DDX46: variants seen among roughly 807,000 people sequenced by gnomAD.
DDX46 encodes the protein probable ATP-dependent RNA helicase DDX46.
A neutral mutation model predicts 134.9 loss-of-function variants in DDX46; 30 were observed. The observed-to-expected ratio is 0.22, with a 90% CI of 0.17 to 0.30. The LOEUF (loss-of-function observed/expected upper bound fraction) is 0.30. Among genes scored for constraint, DDX46 ranks in the 10% least tolerant of loss-of-function variants. The pLI is 1.00. For synonymous variants in DDX46, 415 were observed against 404.1 expected (o/e 1.03, Z -0.32); for missense variants, 622 against 1,248.7 (o/e 0.50, Z 7.56).
At chr5:134,808,124 A>G (rs1337674060) in intron 16 of DDX46, among the ~76,000 whole-genome samples, 183 bp downstream of exon 16, 2 of 152,240 alleles carry the variant, frequency 1.3e-5, no homozygotes, top group African/African-American at 4.8e-5. Flanking sequence ...TGTTCAAATT[A>G]TCAGATACCT....
chr5:134,789,447 G>C (rs1199796218), intron 12 of DDX46, among the ~76,000 whole-genome samples: 3 of 152,158 alleles, frequency 2.0e-5, no homozygotes, highest in Non-Finnish European at 4.4e-5. Context: ...AACTGAGTTA[G>C]TGCATGTTTC....
At chr5:134,786,964 C>G (rs1240535736) in intron 11 of DDX46, among the ~76,000 whole-genome samples, 1 of 151,968 alleles carries the variant, frequency 6.6e-6, no homozygotes, top group Non-Finnish European at 1.5e-5. Flanking sequence ...ACTCTGTTGC[C>G]CGGGCTGGAG....
chr5:134,777,718 A>G lies in DDX46; in HGVS notation c.758A>G (p.Asn253Ser). The G allele has an allele frequency of 6.2e-7, 1 of 1,600,986 alleles. No individual in the cohort carries two copies. Among genetic ancestry groups the G allele is most frequent in the Non-Finnish European group, 8.5e-7 (1 of 1,176,942 alleles). The change falls in exon 6 of 23, where the codon AAT becomes AGT. Residue 253 changes from asparagine to serine, a missense_variant. Coordinates refer to ENST00000452510, the MANE Select transcript of DDX46 (RefSeq NM_001300860.2). The part of the protein sequence containing the change: ...NMRSVKGGGG[N>S]EKKSGPTVTK... ...AGAAGTGTAAAAGGTGGTGGGGGAA[A>G]TGAAAAGGTATGGAATTTCTTATTT...
At chr5:134,764,262 T>C (rs1370367878) in intron 2 of DDX46, among the ~76,000 whole-genome samples, 170 bp downstream of exon 2, 1 of 151,232 alleles carries the variant, frequency 6.6e-6, no homozygotes, top group Non-Finnish European at 1.5e-5. Context: ...CTACAAAGAC[T>C]CTATCAAACA....
rs767958635 is a variant in DDX46, at chr5:134,783,085, TTA to T, written c.1166+22_1166+23del. On this transcript the variant is annotated intron_variant, in intron 9 of 22. Coordinates refer to ENST00000452510, the MANE Select transcript of DDX46 (RefSeq NM_001300860.2). ...CAAGAAGTAAGTGGTTGGTGGTTGT[TTA>T]TGTTTTCCGTGTCTTGCTGCTCAAA... 1.9e-6 allele frequency: 3 copies of T among 1,610,992 alleles called. No individual in the cohort carries two copies. Among genetic ancestry groups the T allele is most frequent in the Non-Finnish European group, 2.5e-6 (3 of 1,178,156 alleles).
At chr5:134,784,652 C>G in intron 10 of DDX46, 111 bp downstream of exon 10, 1 of 1,241,114 alleles carries the variant, frequency 8.1e-7, no homozygotes, top group Non-Finnish European at 1.1e-6. Flanking sequence ...TCTTTATGTA[C>G]ATTTTCTTTA....
At chr5:134,815,713 A>AAG (rs988772807) in intron 18 of DDX46, among the ~76,000 whole-genome samples, 6 of 150,394 alleles carry the variant, frequency 4.0e-5, no homozygotes, top group African/African-American at 1.5e-4. Context: ...TCTCAAAAAA[A>AAG]AAAAAAAAAA....
rs1304748298 is a variant in DDX46 at position 134,817,502 on chromosome 5, A to G, written c.2620A>G (p.Met874Val). ...NLGIESQVDV[M>V]QQATNAILRG... ...AAGTCTTCTTTAACTACAGGATGTG[A>G]TGCAGCAGGCCACCAATGCAATTCT... is the stretch of plus-strand genomic sequence containing the variant. The change falls in exon 20 of 23, where the codon ATG becomes GTG. Residue 874 changes from methionine to valine, a missense_variant. Transcript: ENST00000452510. The G allele has an allele frequency of 1.3e-5, 21 of 1,613,702 alleles. No individual in the cohort carries two copies. The highest frequency in any genetic ancestry group is 1.7e-5 in the Non-Finnish European group (20 of 1,179,888).
At chr5:134,821,235 G>A (rs1456684694) in intron 21 of DDX46, among the ~76,000 whole-genome samples, 22 of 151,716 alleles carry the variant, frequency 1.5e-4, no homozygotes, top group Admixed American at 1.4e-3. Flanking sequence ...GTAGAGACAG[G>A]ATTTCACCAT....
chr5:134,764,780 C>A (rs77754419), intron 2 of DDX46, among the ~76,000 whole-genome samples: 1 of 150,858 alleles, frequency 6.6e-6, no homozygotes, highest in Non-Finnish European at 1.5e-5. Flanking sequence ...TTTTGCCACC[C>A]TTGTTGAAAT....
In DDX46 at chr5:134,829,008, T is replaced by C. The variant is rs1252159861; in HGVS notation, c.*302T>C. On this transcript the variant is annotated 3_prime_UTR_variant, in exon 23 of 23. Transcript: ENST00000452510. ...TTAAAAAATGGAAATATTTGAACTT[T>C]CTATTGAAGACAATAAAGTACACAA... 1.4e-5 allele frequency: 3 copies of C among 209,132 alleles called. No homozygotes were observed. Among genetic ancestry groups the C allele is most frequent in the African/African-American group, 6.8e-5 (3 of 43,898 alleles). 13.0% of individuals were successfully genotyped at this position (209,132 alleles called of 1,614,324 possible).
intron 13 of DDX46, among the ~76,000 whole-genome samples, chr5:134,794,648 A>C (rs560292879): frequency 3.4e-4 from 52 of 152,322 alleles, no homozygotes; most frequent in African/African-American, 1.2e-3. Flanking sequence ...TTGTAAGATG[A>C]GTGACAGAGA....
intron 11 of DDX46, among the ~76,000 whole-genome samples, 164 bp from the exon 12 acceptor site, chr5:134,788,349 T>C (rs2150144913): frequency 6.6e-6 from 1 of 152,322 alleles, no homozygotes; most frequent in East Asian, 1.9e-4. Context: ...TGGCACTATG[T>C]GGTCACGTTG....
intron 19 of DDX46, chr5:134,816,958 TTACATGACTCAAA>T (rs1755302329): frequency 4.7e-6 from 1 of 212,284 alleles, no homozygotes. Flanking sequence ...AAACACCCAG[TTACATGACTCAAA>T]TCAATATGGT....
At position 134,758,929 on chromosome 5, in the gene DDX46, G is replaced by T; in HGVS notation, c.-10G>T. On this transcript the variant is annotated 5_prime_UTR_variant, in exon 1 of 23. Coordinates refer to ENST00000452510, the MANE Select transcript of DDX46 (RefSeq NM_001300860.2). ...TACTCAAGGGCACCAGTATTCCCGC[G>T]GTCGGCAGCATGGGTCGGGAGTCAC... The T allele has an allele frequency of 1.9e-6, 3 of 1,613,322 alleles. No homozygotes were observed. The highest frequency in any genetic ancestry group is 2.5e-6 in the Non-Finnish European group (3 of 1,179,858).
Position 134,828,678 on chromosome 5 carries a change from C to T in DDX46, c.3071C>T (p.Thr1024Ile). The T allele has an allele frequency of 6.6e-7, 1 of 1,522,354 alleles. No homozygotes were observed. The highest frequency in any genetic ancestry group is 1.4e-5 in the South Asian group (1 of 72,640). 94.3% of individuals were successfully genotyped at this position (1,522,354 alleles called of 1,614,324 possible). A position where few individuals can be genotyped will look rare whatever the true frequency, so the allele number is the denominator to read the frequency against. ...TTACAGCAAAATTCATACCAACCAACAAATAAAGGAAGATACAAAGTCTTA... is the reference window on the plus strand; with the variant it reads ...TTACAGCAAAATTCATACCAACCAATAAATAAAGGAAGATACAAAGTCTTA... ...LIRLQNSYQP[T>I]NKGRYKVL is the part of the protein sequence containing the mutation. Residue 1024 changes from threonine (T) to isoleucine (I), a missense_variant, in exon 23 of 23, where the codon ACA (threonine) becomes ATA (isoleucine). Thr to Ile is a moderately conservative substitution (Grantham distance 89). This residue lies in a region of DDX46 where 76 missense variants were observed against 213.0 expected (regional missense o/e 0.36). Transcript: ENST00000452510.
chr5:134,781,123 T>C lies in DDX46; in HGVS notation c.766-10T>C. 2 of 1,562,388 alleles carry C rather than the reference T, an allele frequency of 1.3e-6. No homozygotes were observed. The highest frequency in any genetic ancestry group is 4.6e-5 in the Admixed American group (2 of 43,660). On this transcript the variant is annotated splice_polypyrimidine_tract_variant and intron_variant, in intron 6 of 22. Transcript: ENST00000452510. Reference sequence around the variant, plus strand: ...TTTGCAAAATATTCTATATTTGTTCTTTATTTTAGAAGTCTGGGCCAACGG... The same window carrying C: ...TTTGCAAAATATTCTATATTTGTTCCTTATTTTAGAAGTCTGGGCCAACGG...
rs377237416 is a variant in DDX46 at position 134,819,792 on chromosome 5, C to T, written c.2977+788C>T. On this transcript the variant is annotated intron_variant, in intron 21 of 22. Transcript: ENST00000452510. ...CAAGGGACCCGCCCCCACTCAGCCT[C>T]CCAAAGTGCTAGGATTGCAGGCATG... Among the ~76,000 whole-genome samples, 26 of 152,224 alleles carry T rather than the reference C, an allele frequency of 1.7e-4. No homozygotes were observed. In the South Asian group the frequency reaches 2.9e-3, roughly 17 times the overall value.
chr5:134,761,552 C>T (rs570307329), intron 1 of DDX46, among the ~76,000 whole-genome samples: 1 of 152,282 alleles, frequency 6.6e-6, no homozygotes, highest in South Asian at 2.1e-4. Flanking sequence ...CCTTTGTACA[C>T]TAATAGCTGT....
Sources: allele counts gnomAD v4.1 joint callset (sites outside exome capture counted in the v4.1 genomes callset), GRCh38; gene constraint gnomAD v4.1.1; regional missense constraint gnomAD v4.1.1; transcripts MANE v1.5; gene names NCBI Gene and HGNC (gene_info 2026-07-23, HGNC 2026-07-21).